Variants in SETD5 observed in about 807,000 individuals in gnomAD.
SETD5 encodes the protein SET domain containing 5.
A neutral mutation model predicts 153.3 loss-of-function variants in SETD5; 44 were observed. The ratio of observed to expected loss-of-function variants is 0.29; its 90% CI spans 0.23 to 0.37. The LOEUF is 0.37. Among genes scored for constraint, SETD5 ranks in the 10% least tolerant of loss-of-function variants. The probability of loss-of-function intolerance (pLI) is 1.00; values close to 1 mark genes in which losing one functional copy is unlikely to be tolerated. For synonymous variants in SETD5, 716 were observed against 645.2 expected (o/e 1.11, Z -1.66); for missense variants, 1,544 against 1,768.0 (o/e 0.87, Z 2.27).
chr3:9,440,871 C>G (rs2041191961), intron 8 of SETD5, among the ~76,000 whole-genome samples, 173 bp downstream of exon 8: 1 of 152,032 alleles, frequency 6.6e-6, no homozygotes, highest in Non-Finnish European at 1.5e-5. Flanking sequence ...TGGAAACTAC[C>G]TGGATACATA....
At chr3:9,417,715 G>A (rs1449914002) in intron 1 of SETD5, among the ~76,000 whole-genome samples, 1 of 151,636 alleles carries the variant, frequency 6.6e-6, no homozygotes, top group Non-Finnish European at 1.5e-5. Flanking sequence ...TCGATCTCCT[G>A]ACCTCGTGAT....
intron 18 of SETD5, among the ~76,000 whole-genome samples, chr3:9,465,545 G>A (rs2044455113): frequency 6.6e-6 from 1 of 152,170 alleles, no homozygotes; most frequent in African/African-American, 2.4e-5. Flanking sequence ...CTCCAGATGT[G>A]TTTTTTGAGA....
At chr3:9,413,266 A>G (rs114847211) in intron 1 of SETD5, among the ~76,000 whole-genome samples, 1 of 152,348 alleles carries the variant, frequency 6.6e-6, no homozygotes, top group Non-Finnish European at 1.5e-5. Context: ...AATATTATAA[A>G]GAAGTCTATA....
intron 18 of SETD5, chr3:9,468,706 AC>A: frequency 1.5e-6 from 1 of 668,204 alleles, no homozygotes; most frequent in Non-Finnish European, 2.3e-6. Context: ...CCACTCAGTC[AC>A]AGTAAGTTGA....
At chr3:9,465,992 T>C (rs2044506989) in intron 18 of SETD5, among the ~76,000 whole-genome samples, 1 of 152,056 alleles carries the variant, frequency 6.6e-6, no homozygotes, top group Admixed American at 6.6e-5. Context: ...TGTGGAATTA[T>C]GAAAATTAGA....
At chr3:9,467,140 C>T (rs902662027) in intron 18 of SETD5, among the ~76,000 whole-genome samples, 2 of 145,540 alleles carry the variant, frequency 1.4e-5, no homozygotes, top group Non-Finnish European at 3.0e-5. Flanking sequence ...TTGCAGGGAG[C>T]CAAGACTGCG....
intron 21 of SETD5, chr3:9,474,855 AAGAG>A: frequency 1.6e-6 from 1 of 618,280 alleles, no homozygotes; most frequent in African/African-American, 1.8e-5. Flanking sequence ...ATGAAGGATG[AAGAG>A]AAAGAAGACG....
At chr3:9,451,669 C>A (rs1355234847) in intron 16 of SETD5, among the ~76,000 whole-genome samples, 1 of 152,136 alleles carries the variant, frequency 6.6e-6, no homozygotes, top group African/African-American at 2.4e-5. Context: ...TGATCTCAAA[C>A]TCCTGAGTGC....
chr3:9,433,503 T>C (rs2040203901), intron 3 of SETD5: 1 of 1,292,146 alleles, frequency 7.7e-7, no homozygotes, highest in Non-Finnish European at 1.0e-6. Context: ...TTAAGAAGAA[T>C]AGTTCTGAGT....
intron 17 of SETD5, among the ~76,000 whole-genome samples, chr3:9,458,454 C>CA (rs2043526737): frequency 2.6e-5 from 4 of 151,908 alleles, no homozygotes; most frequent in South Asian, 4.1e-4. Context: ...CACATCTCTA[C>CA]AAAAAATAAA....
Position 9,475,049 on chromosome 3 carries a change from T to A in SETD5, c.3632-19T>A, listed in dbSNP as rs1449604391. On this transcript the variant is annotated intron_variant, in intron 21 of 22. Coordinates refer to ENST00000402198, the MANE Select transcript of SETD5 (RefSeq NM_001080517.3). ...CTAAGAAGCCAAGTTGATTTTTTTTTATATATGTTACCTTCCAGACCCTGC... is the reference window on the plus strand; with the variant it reads ...CTAAGAAGCCAAGTTGATTTTTTTTAATATATGTTACCTTCCAGACCCTGC... 1.2e-5 allele frequency: 18 copies of A among 1,548,848 alleles called. No homozygotes were observed. The highest frequency in any genetic ancestry group is 2.4e-5 in the South Asian group (2 of 81,770).
At chr3:9,461,607 G>C (rs1264960369) in intron 17 of SETD5, among the ~76,000 whole-genome samples, 3 of 152,138 alleles carry the variant, frequency 2.0e-5, no homozygotes, top group Non-Finnish European at 4.4e-5. Context: ...AAATGACTTG[G>C]CTTTCTTTGG....
chr3:9,457,834 TTCTC>T (rs986127056), intron 17 of SETD5, among the ~76,000 whole-genome samples: 1 of 151,234 alleles, frequency 6.6e-6, no homozygotes, highest in African/African-American at 2.4e-5. Flanking sequence ...ATATATTTCT[TTCTC>T]TTTCTCTCTG....
chr3:9,473,606 C>G, intron 20 of SETD5, 69 bp downstream of exon 20: 1 of 1,450,814 alleles, frequency 6.9e-7, no homozygotes, highest in Non-Finnish European at 9.3e-7. Context: ...AGATCATTCC[C>G]AGTTTTACCT....
chr3:9,419,016 G>C (rs531620966), intron 1 of SETD5, among the ~76,000 whole-genome samples: 1 of 151,970 alleles, frequency 6.6e-6, no homozygotes, highest in East Asian at 2.0e-4. Flanking sequence ...TAGTAGAGAC[G>C]GGGTTTCATC....
At chr3:9,468,703 G>T in intron 18 of SETD5, 2 of 666,574 alleles carry the variant, frequency 3.0e-6, no homozygotes, top group Non-Finnish European at 4.7e-6. Context: ...CGGCCACTCA[G>T]TCACAGTAAG....
chr3:9,420,985 A>G (rs531678554), intron 1 of SETD5, among the ~76,000 whole-genome samples: 22 of 152,250 alleles, frequency 1.4e-4, no homozygotes, highest in African/African-American at 5.3e-4. Context: ...ACTTAAAGGG[A>G]CCAGAAAGTT....
intron 3 of SETD5, chr3:9,431,114 T>G (rs1212830957): frequency 6.1e-6 from 6 of 985,360 alleles, no homozygotes; most frequent in Non-Finnish European, 6.0e-6. Flanking sequence ...TAGACTTCAC[T>G]TCATAGAATT....
intron 17 of SETD5, among the ~76,000 whole-genome samples, chr3:9,456,095 G>C (rs1035093784): frequency 4.1e-4 from 62 of 152,082 alleles, no homozygotes; most frequent in Admixed American, 3.3e-3. Context: ...CATTAAGAAA[G>C]GGGAAAGGAT....
Sources: allele counts gnomAD v4.1 joint callset (sites outside exome capture counted in the v4.1 genomes callset), GRCh38; gene constraint gnomAD v4.1.1; transcripts MANE v1.5; gene names NCBI Gene and HGNC (gene_info 2026-07-23, HGNC 2026-07-21).